DOCK3: variants seen among roughly 807,000 people sequenced by gnomAD.
DOCK3 encodes dedicator of cytokinesis protein 3.
DOCK3 carries 60 observed loss-of-function variants against 265.6 expected under a neutral mutation model. That is an observed-to-expected ratio of 0.23 (90% CI 0.18 to 0.28). The LOEUF (loss-of-function observed/expected upper bound fraction) is 0.28, where lower values mean the gene tolerates loss of function less well. Among genes scored for constraint, DOCK3 ranks in the 10% least tolerant of loss-of-function variants. The pLI, the probability that DOCK3 is intolerant of heterozygous loss-of-function variation, is 1.00. For missense variants in DOCK3, 1,981 were observed against 2,594.3 expected, an observed-to-expected ratio of 0.76 and a Z score of 5.14; for synonymous variants, 881 against 938.0, an observed-to-expected ratio of 0.94 and a Z score of 1.11.
At chr3:50,896,849 A>G (rs1231995970) in intron 4 of DOCK3, among the ~76,000 whole-genome samples, 1 of 152,026 alleles carries the variant, frequency 6.6e-6, no homozygotes, top group Non-Finnish European at 1.5e-5. Context: ...ATTGGTCTGT[A>G]TATCTGTTTT....
At chr3:50,782,774 T>C (rs2041988546) in intron 2 of DOCK3, among the ~76,000 whole-genome samples, 1 of 152,026 alleles carries the variant, frequency 6.6e-6, no homozygotes, top group Non-Finnish European at 1.5e-5. Context: ...TAGCCTTTTA[T>C]CCCTCACCCA....
At chr3:50,993,529 A>G (rs2078180112) in intron 5 of DOCK3, among the ~76,000 whole-genome samples, 1 of 152,176 alleles carries the variant, frequency 6.6e-6, no homozygotes, top group Non-Finnish European at 1.5e-5. Flanking sequence ...TGGACTTTCA[A>G]AACAAGACTT....
At chr3:51,023,424 T>A (rs916110400) in intron 5 of DOCK3, among the ~76,000 whole-genome samples, 1 of 152,164 alleles carries the variant, frequency 6.6e-6, no homozygotes, top group African/African-American at 2.4e-5. Context: ...GTTGTTGTTC[T>A]TGTTGTTTTT....
intron 1 of DOCK3, among the ~76,000 whole-genome samples, chr3:50,738,804 G>A (rs1275170131): frequency 1.6e-4 from 25 of 152,002 alleles, no homozygotes; most frequent in Non-Finnish European, 1.5e-5. Flanking sequence ...TTTTCAGTAT[G>A]TCTACTGTAC....
chr3:51,279,811 T>G (rs2081014643), intron 26 of DOCK3, among the ~76,000 whole-genome samples: 2 of 152,354 alleles, frequency 1.3e-5, no homozygotes, highest in South Asian at 4.1e-4. Context: ...AAAGGACTAT[T>G]TAGCCAAAAC....
chr3:51,325,743 T>C (rs998649781), intron 32 of DOCK3, among the ~76,000 whole-genome samples: 10 of 152,164 alleles, frequency 6.6e-5, no homozygotes, highest in Admixed American at 5.2e-4. Context: ...TAAAAAAAGA[T>C]GAGTTCATGT....
intron 1 of DOCK3, among the ~76,000 whole-genome samples, chr3:50,726,563 G>T (rs2037841885): frequency 6.6e-6 from 1 of 152,092 alleles, no homozygotes; most frequent in African/African-American, 2.4e-5. Flanking sequence ...CTGAAGGAGA[G>T]CCCTAAGTCA....
intron 38 of DOCK3, among the ~76,000 whole-genome samples, chr3:51,347,425 G>A (rs1576887919): frequency 1.3e-5 from 2 of 152,216 alleles, no homozygotes; most frequent in Middle Eastern, 6.8e-3. Flanking sequence ...TTTTTGTCAG[G>A]TTTGTCAAAG....
chr3:50,779,115 A>G (rs1249766433), intron 2 of DOCK3, among the ~76,000 whole-genome samples: 4 of 152,130 alleles, frequency 2.6e-5, no homozygotes, highest in East Asian at 1.9e-4. Flanking sequence ...AAAGGTTCCA[A>G]TTGTACTCCC....
At chr3:51,332,308 G>T (rs2084576510) in intron 33 of DOCK3, among the ~76,000 whole-genome samples, 2 of 152,244 alleles carry the variant, frequency 1.3e-5, no homozygotes, top group Admixed American at 1.3e-4. Context: ...CCTGTGCGAT[G>T]GCAGAGGATC....
At chr3:50,996,348 G>A (rs1266388120) in intron 5 of DOCK3, among the ~76,000 whole-genome samples, 1 of 151,642 alleles carries the variant, frequency 6.6e-6, no homozygotes, top group African/African-American at 2.4e-5. Context: ...CTCCCAAGTA[G>A]CTGGAACTAC....
In DOCK3 at chr3:50,675,564, G is replaced by A. The variant is rs544494807; in HGVS notation, c.37+264G>A. 6.6e-6 allele frequency among the ~76,000 whole-genome samples: 1 copy of A among 152,278 alleles called. No homozygotes were observed. The highest frequency in any genetic ancestry group is 1.9e-4 in the East Asian group (1 of 5,178). On this transcript the variant is annotated intron_variant, in intron 1 of 52. Coordinates refer to ENST00000266037, the MANE Select transcript of DOCK3 (RefSeq NM_004947.5). The surrounding 1 kb of genome is among the most constrained non-coding windows in gnomAD (Gnocchi z 6.1). The stretch of plus-strand genomic sequence containing the variant: ...CCCGCGGGAGGGGTGGGCAAGGCCC[G>A]GGCAGTTGCCCGAGGTTTCTGGTGT...
At chr3:50,781,045 C>T (rs1170555903) in intron 2 of DOCK3, among the ~76,000 whole-genome samples, 1 of 151,842 alleles carries the variant, frequency 6.6e-6, no homozygotes, top group African/African-American at 2.4e-5. Context: ...TTTTCTTAAT[C>T]CATCTGTTAT....
intron 1 of DOCK3, among the ~76,000 whole-genome samples, chr3:50,749,237 G>A (rs564138567): frequency 6.6e-6 from 1 of 152,214 alleles, no homozygotes; most frequent in Admixed American, 6.5e-5. Flanking sequence ...TGCTTCCCTA[G>A]CCTGGGACAA....
At chr3:51,197,318 T>C (rs2088363741) in intron 12 of DOCK3, among the ~76,000 whole-genome samples, 1 of 152,184 alleles carries the variant, frequency 6.6e-6, no homozygotes, top group African/African-American at 2.4e-5. Flanking sequence ...CTTGCTTAGA[T>C]GCTGGTAGTG....
intron 2 of DOCK3, among the ~76,000 whole-genome samples, chr3:50,836,751 T>C (rs962445294): frequency 6.6e-6 from 1 of 152,186 alleles, no homozygotes; most frequent in Non-Finnish European, 1.5e-5. Flanking sequence ...CCCCAGAAAA[T>C]GGGTTTTTGT....
intron 9 of DOCK3, among the ~76,000 whole-genome samples, chr3:51,100,843 G>A (rs2083053576): frequency 6.6e-6 from 1 of 150,478 alleles, no homozygotes; most frequent in Admixed American, 6.6e-5. Context: ...TGCTCAGGCT[G>A]GAGTACAATG....
chr3:50,813,369 C>G (rs2043875938), intron 2 of DOCK3, among the ~76,000 whole-genome samples: 1 of 152,008 alleles, frequency 6.6e-6, no homozygotes, highest in African/African-American at 2.4e-5. Context: ...GACCCTGTTT[C>G]TACAAAAACA....
At chr3:50,893,755 T>A (rs938880970) in intron 4 of DOCK3, among the ~76,000 whole-genome samples, 5 of 151,780 alleles carry the variant, frequency 3.3e-5, no homozygotes, top group African/African-American at 1.2e-4. Flanking sequence ...TTCCCAAATC[T>A]GGGGAGGGAA....
Sources: gnomAD v4.1 joint callset for allele counts (sites outside exome capture counted in the v4.1 genomes callset) on GRCh38, gnomAD v4.1.1 for gene constraint, Gnocchi (gnomAD v3.1) non-coding constraint, MANE v1.5 for transcripts, NCBI Gene and HGNC (gene_info 2026-07-23, HGNC 2026-07-21) for gene names.